The following GRID2 variants were observed in gnomAD, a reference collection of about 807,000 sequenced individuals.
GRID2 encodes the protein glutamate receptor ionotropic, delta-2.
GRID2 carries 33 observed loss-of-function variants against 114.8 expected under a neutral mutation model. The observed-to-expected ratio is 0.29, with a 90% CI of 0.22 to 0.38. The LOEUF (loss-of-function observed/expected upper bound fraction) is 0.38. GRID2 is among the 10% of genes least tolerant of loss of function. The probability of loss-of-function intolerance (pLI) is 1.00; values close to 1 mark genes in which losing one functional copy is unlikely to be tolerated. For missense variants in GRID2, 1,184 were observed against 1,257.7 expected (o/e 0.94, Z 0.89); for synonymous variants, 505 against 449.9 (o/e 1.12, Z -1.55).
intron 1 of GRID2, among the ~76,000 whole-genome samples, chr4:92,548,808 C>T (rs62307845): frequency 0.22 from 33,447 of 151,836 alleles, 4,592 homozygotes; most frequent in African/African-American, 0.39. Flanking sequence ...AACTTTCATT[C>T]GTGGTGGAAG....
intron 1 of GRID2, among the ~76,000 whole-genome samples, chr4:92,328,549 A>G (rs1350436214): frequency 2.0e-5 from 3 of 152,052 alleles, no homozygotes; most frequent in Non-Finnish European, 4.4e-5. Context: ...CTCTTTCACT[A>G]GAGACGATAG....
At chr4:93,267,751 T>C (rs867647748) in intron 8 of GRID2, among the ~76,000 whole-genome samples, 3 of 152,194 alleles carry the variant, frequency 2.0e-5, no homozygotes, top group South Asian at 2.1e-4. Flanking sequence ...AGTTCTGGCT[T>C]TGGGAGTTCC....
intron 14 of GRID2, among the ~76,000 whole-genome samples, chr4:93,655,909 T>C (rs967446710): frequency 1.5e-4 from 23 of 151,942 alleles, no homozygotes; most frequent in African/African-American, 5.6e-4. Flanking sequence ...AAAGCATTTT[T>C]TTAATTTAAA....
Position 93,084,988 on chromosome 4 carries a change from C to T in GRID2, c.245-7C>T. On this transcript the variant is annotated splice_polypyrimidine_tract_variant and splice_region_variant and intron_variant, in intron 2 of 15. Coordinates refer to ENST00000282020, the MANE Select transcript of GRID2 (RefSeq NM_001510.4). ...GACATTTTGAATATTACTGTGCTTT[C>T]TTGCAGCCTGTGAACTTATGAATCA... 3 of 1,611,914 alleles carry T rather than the reference C, an allele frequency of 1.9e-6. No individual in the cohort carries two copies. Among genetic ancestry groups the T allele is most frequent in the Non-Finnish European group, 2.5e-6 (3 of 1,178,156 alleles).
intron 13 of GRID2, among the ~76,000 whole-genome samples, chr4:93,610,783 G>T (rs1740796272): frequency 1.4e-5 from 1 of 73,824 alleles, no homozygotes; most frequent in South Asian, 6.3e-4. Flanking sequence ...CTCTTTTTTG[G>T]TTGTGTCTCT....
In GRID2 at chr4:93,166,471, A is replaced by C. The variant is rs115635799; in HGVS notation, c.736-40933A>C. On this transcript the variant is annotated intron_variant, in intron 4 of 15. Transcript: ENST00000282020. The stretch of plus-strand genomic sequence containing the variant: ...AAAAATATTTGGAGAAAGAGACCTT[A>C]TCTCTGCAATGCTGTCAGCATGATG... 8.9e-3 allele frequency among the ~76,000 whole-genome samples: 1,349 copies of C among 152,294 alleles called. 6 individuals carry two copies. Among genetic ancestry groups the C allele is most frequent in the South Asian group, 0.02 (99 of 4,832 alleles).
chr4:92,985,319 G>T (rs1438507162), intron 2 of GRID2, among the ~76,000 whole-genome samples: 1 of 151,460 alleles, frequency 6.6e-6, no homozygotes, highest in Non-Finnish European at 1.5e-5. Context: ...CGCCTCCCGG[G>T]TTCCCGCCAT....
intron 2 of GRID2, among the ~76,000 whole-genome samples, chr4:92,942,366 G>C (rs1751221945): frequency 6.6e-6 from 1 of 152,106 alleles, no homozygotes; most frequent in Admixed American, 6.5e-5. Context: ...TTTAAAGTCT[G>C]TTTTATCAGA....
chr4:93,201,107 C>T (rs1181450515), intron 4 of GRID2, among the ~76,000 whole-genome samples: 1 of 152,132 alleles, frequency 6.6e-6, no homozygotes, highest in Non-Finnish European at 1.5e-5. Context: ...AGAGATTGCA[C>T]TCACAAGCAC....
chr4:92,767,241 GT>G (rs1465963943), intron 2 of GRID2, among the ~76,000 whole-genome samples: 1 of 152,170 alleles, frequency 6.6e-6, no homozygotes, highest in Non-Finnish European at 1.5e-5. Flanking sequence ...CAGACAGAAA[GT>G]ATCTGGGTCC....
At chr4:93,242,219 A>G (rs1747608515) in intron 8 of GRID2, among the ~76,000 whole-genome samples, 1 of 152,000 alleles carries the variant, frequency 6.6e-6, no homozygotes, top group Admixed American at 6.6e-5. Context: ...GGCATTGGCA[A>G]TAATGAGACT....
intron 2 of GRID2, among the ~76,000 whole-genome samples, chr4:93,005,628 G>A (rs1002436234): frequency 6.6e-6 from 1 of 151,910 alleles, no homozygotes; most frequent in Non-Finnish European, 1.5e-5. Flanking sequence ...TATTCAAAAT[G>A]ACCAATAAAT....
At chr4:93,323,477 G>T (rs1416705287) in intron 8 of GRID2, among the ~76,000 whole-genome samples, 2 of 152,148 alleles carry the variant, frequency 1.3e-5, no homozygotes, top group East Asian at 3.9e-4. Context: ...AAGTCAGGTA[G>T]TGTGATGCCT....
At chr4:93,735,650 A>T (rs1242219930) in intron 14 of GRID2, among the ~76,000 whole-genome samples, 1 of 152,036 alleles carries the variant, frequency 6.6e-6, no homozygotes, top group Non-Finnish European at 1.5e-5. Flanking sequence ...AGGTTCCCTT[A>T]GAAAATGTGA....
At chr4:93,340,962 G>A (rs140649049) in intron 8 of GRID2, among the ~76,000 whole-genome samples, 2 of 152,174 alleles carry the variant, frequency 1.3e-5, no homozygotes, top group East Asian at 1.9e-4. Context: ...CTCTCCTTGG[G>A]CTTCTCAGAG....
intron 4 of GRID2, among the ~76,000 whole-genome samples, chr4:93,141,282 T>C (rs1369233443): frequency 2.0e-5 from 3 of 152,206 alleles, no homozygotes; most frequent in African/African-American, 7.2e-5. Context: ...TCTTTCTCCC[T>C]TGTTTAACCT....
chr4:93,297,713 G>A (rs536601992), intron 8 of GRID2, among the ~76,000 whole-genome samples: 163 of 152,216 alleles, frequency 1.1e-3, no homozygotes, highest in Non-Finnish European at 2.0e-3. Flanking sequence ...ACATAGTATT[G>A]GCTAATATCA....
chr4:93,569,801 T>A (rs1735768033), intron 13 of GRID2, among the ~76,000 whole-genome samples: 1 of 152,150 alleles, frequency 6.6e-6, no homozygotes, highest in African/African-American at 2.4e-5. Flanking sequence ...TTCTCTCAGA[T>A]TTTCTCATCA....
At chr4:92,668,943 G>T (rs577777245) in intron 2 of GRID2, among the ~76,000 whole-genome samples, 112 of 151,958 alleles carry the variant, frequency 7.4e-4, no homozygotes, top group African/African-American at 2.6e-3. Flanking sequence ...CTTGGGAAAA[G>T]ATTTTAGCAT....
Sources: allele counts gnomAD v4.1 joint callset (sites outside exome capture counted in the v4.1 genomes callset), GRCh38; gene constraint gnomAD v4.1.1; transcripts MANE v1.5; gene names NCBI Gene and HGNC (gene_info 2026-07-23, HGNC 2026-07-21).